Variants in PPARA observed in about 807,000 individuals in gnomAD.
PPARA encodes the protein peroxisome proliferator-activated receptor alpha.
PPARA carries 22 observed loss-of-function variants against 42.2 expected under a neutral mutation model. The observed-to-expected ratio is 0.52, with a 90% CI of 0.37 to 0.74. The LOEUF (loss-of-function observed/expected upper bound fraction) is 0.74, where lower values mean the gene tolerates loss of function less well. Among genes scored for constraint, PPARA ranks in the 30% least tolerant of loss-of-function variants. The pLI, the probability that PPARA is intolerant of heterozygous loss-of-function variation, is 0.00. For missense variants in PPARA, 465 were observed against 608.2 expected (o/e 0.76, Z 2.48); for synonymous variants, 242 against 239.3 (o/e 1.01, Z -0.10).
rs1384317970 is a variant in PPARA at position 46,171,132 on chromosome 22, G to C, written c.-126-5621G>C. Among the ~76,000 whole-genome samples, 1 of 151,898 alleles carries C rather than the reference G, an allele frequency of 6.6e-6. No homozygotes were observed. Among genetic ancestry groups the C allele is most frequent in the Admixed American group, 6.6e-5 (1 of 15,262 alleles). On this transcript the variant is annotated intron_variant, in intron 2 of 8. Coordinates refer to ENST00000407236, the MANE Select transcript of PPARA (RefSeq NM_005036.6). This position sits in a 1 kb window ranked among gnomAD's most constrained non-coding sequence, Gnocchi z 5.0. ...GCCAAGACTGCGCCACTGCACTCCA[G>C]CCTGGGCAACAGAGCAAGACTCTGT...
At chr22:46,157,231 G>T (rs971573536) in intron 2 of PPARA, among the ~76,000 whole-genome samples, 2 of 152,202 alleles carry the variant, frequency 1.3e-5, no homozygotes, top group Non-Finnish European at 2.9e-5. Context: ...ATAAGTACCT[G>T]ATTAATAGAA....
rs1936236014 is a variant in PPARA, at chr22:46,236,992, C to G, written c.*1612C>G. Reference sequence around the variant, plus strand: ...ATATGGACCTGGAAACACTTTCTCTCTCTGTCCACCTGGTAGATAAATTGT... The same window carrying G: ...ATATGGACCTGGAAACACTTTCTCTGTCTGTCCACCTGGTAGATAAATTGT... On this transcript the variant is annotated 3_prime_UTR_variant, in exon 9 of 9. Transcript: ENST00000407236. The surrounding 1 kb of genome is among the most constrained non-coding windows in gnomAD (Gnocchi z 5.2). 6.6e-6 allele frequency: 1 copy of G among 152,222 alleles called. No homozygotes were observed. The highest frequency in any genetic ancestry group is 1.5e-5 in the Non-Finnish European group (1 of 68,046). 9.4% of individuals were successfully genotyped at this position (152,222 alleles called of 1,614,324 possible). A position where few individuals can be genotyped will look rare whatever the true frequency, so the allele number is the denominator to read the frequency against.
In PPARA at chr22:46,192,146, G is replaced by C. The variant is rs1931651005; in HGVS notation, c.-42-6196G>C. On this transcript the variant is annotated intron_variant, in intron 3 of 8. Transcript: ENST00000407236. This position sits in a 1 kb window ranked among gnomAD's most constrained non-coding sequence, Gnocchi z 4.3. The stretch of plus-strand genomic sequence containing the variant: ...GCTAGAAGTATGGATGCAAAGATTA[G>C]GTGAATATGTTCCCTAGCCTCACAA... Among the ~76,000 whole-genome samples, 2 of 152,218 alleles carry C rather than the reference G, an allele frequency of 1.3e-5. No homozygotes were observed. Among genetic ancestry groups the C allele is most frequent in the African/African-American group, 4.8e-5 (2 of 41,460 alleles).
chr22:46,196,504 G>A lies in PPARA; in HGVS notation c.-42-1838G>A, dbSNP rs1347621955. 6.6e-6 allele frequency among the ~76,000 whole-genome samples: 1 copy of A among 152,224 alleles called. No individual in the cohort carries two copies. The highest frequency in any genetic ancestry group is 1.5e-5 in the Non-Finnish European group (1 of 68,038). Reference sequence around the variant, plus strand: ...TGTGCCAACATGTTTCAGTCCTGGAGCCTTTGCACTTGGTGTTCTCTTCGC... The same window carrying A: ...TGTGCCAACATGTTTCAGTCCTGGAACCTTTGCACTTGGTGTTCTCTTCGC... On this transcript the variant is annotated intron_variant, in intron 3 of 8. Transcript: ENST00000407236. The surrounding 1 kb of genome is among the most constrained non-coding windows in gnomAD (Gnocchi z 5.6).
In PPARA at chr22:46,184,947, T is replaced by C. The variant is rs980716522; in HGVS notation, c.-43+8111T>C. ...TAGGGTCTTCTCTTTGTCTCCAGCA[T>C]GGTCTGGAATTTCCCAGTGAGTGAC... On this transcript the variant is annotated intron_variant, in intron 3 of 8. Transcript: ENST00000407236. This position sits in a 1 kb window ranked among gnomAD's most constrained non-coding sequence, Gnocchi z 4.4. Among the ~76,000 whole-genome samples, 31 of 152,232 alleles carry C rather than the reference T, an allele frequency of 2.0e-4. No individual in the cohort carries two copies. The highest frequency in any genetic ancestry group is 3.4e-4 in the Non-Finnish European group (23 of 68,046).
At position 46,200,079 on chromosome 22, in the gene PPARA, C is replaced by T. The variant is rs1480440349; in HGVS notation, c.208+1488C>T. Among the ~76,000 whole-genome samples, 1 of 152,192 alleles carries T rather than the reference C, an allele frequency of 6.6e-6. No homozygotes were observed. Among genetic ancestry groups the T allele is most frequent in the Admixed American group, 6.5e-5 (1 of 15,280 alleles). The stretch of plus-strand genomic sequence containing the variant: ...TACATCACTGGTGGAAACAGACATA[C>T]ACCTATTGCAAAGGGCATCTCAGCT... On this transcript the variant is annotated intron_variant, in intron 4 of 8. Coordinates refer to ENST00000407236, the MANE Select transcript of PPARA (RefSeq NM_005036.6). The surrounding 1 kb of genome is among the most constrained non-coding windows in gnomAD (Gnocchi z 4.8).
Position 46,221,131 on chromosome 22 carries a change from G to A in PPARA, c.711+1117G>A, listed in dbSNP as rs971158076. 3.3e-5 allele frequency among the ~76,000 whole-genome samples: 5 copies of A among 152,096 alleles called. No homozygotes were observed. The highest frequency in any genetic ancestry group is 1.2e-4 in the African/African-American group (5 of 41,392). ...TTTGACTCATAGCAGAAGGTGAAGT[G>A]GGAGTAGGCGTCTTGCATGGCAGGA... is the stretch of plus-strand genomic sequence containing the variant. On this transcript the variant is annotated intron_variant, in intron 7 of 8. Coordinates refer to ENST00000407236, the MANE Select transcript of PPARA (RefSeq NM_005036.6). This position sits in a 1 kb window ranked among gnomAD's most constrained non-coding sequence, Gnocchi z 5.9.
At chr22:46,205,539 TATA>T (rs1933174437) in intron 4 of PPARA, among the ~76,000 whole-genome samples, 1 of 38,054 alleles carries the variant, frequency 2.6e-5, no homozygotes, top group Non-Finnish European at 5.1e-5. Context: ...TATATATATA[TATA>T]TATATATATA....
rs1308835069 is a variant in PPARA at position 46,203,270 on chromosome 22, T to C, written c.208+4679T>C. On this transcript the variant is annotated intron_variant, in intron 4 of 8. Coordinates refer to ENST00000407236, the MANE Select transcript of PPARA (RefSeq NM_005036.6). The surrounding 1 kb of genome is among the most constrained non-coding windows in gnomAD (Gnocchi z 5.8). ...GTACCTAATCTGATCTTTTGGGTAA[T>C]ATTCCTAGTTATGTAGACTGGTCTC... Among the ~76,000 whole-genome samples, 1 of 152,240 alleles carries C rather than the reference T, an allele frequency of 6.6e-6. No individual in the cohort carries two copies. The highest frequency in any genetic ancestry group is 1.5e-5 in the Non-Finnish European group (1 of 68,040).
chr22:46,197,313 G>A (rs969571534), intron 3 of PPARA, among the ~76,000 whole-genome samples: 1 of 151,994 alleles, frequency 6.6e-6, no homozygotes, highest in Non-Finnish European at 1.5e-5. Context: ...GCCTCCCAAA[G>A]TGCTGGGATT....
Position 46,240,656 on chromosome 22 carries a change from G to A in PPARA, c.*5276G>A, listed in dbSNP as rs56333425. The A allele has an allele frequency of 3.9e-4, 63 of 162,974 alleles. No homozygotes were observed. The highest frequency in any genetic ancestry group is 7.2e-4 in the Non-Finnish European group (54 of 75,500). 10.1% of individuals were successfully genotyped at this position (162,974 alleles called of 1,614,324 possible). On this transcript the variant is annotated 3_prime_UTR_variant, in exon 9 of 9. Coordinates refer to ENST00000407236, the MANE Select transcript of PPARA (RefSeq NM_005036.6). The surrounding 1 kb of genome is among the most constrained non-coding windows in gnomAD (Gnocchi z 6.0). ...GCTCATGATTGTTAAAAATGTCCAC[G>A]GGAACCTCTCGTCCACAGGAGGTTT...
chr22:46,207,671 ATTATTATTTTTT>A (rs1697522743), intron 4 of PPARA, among the ~76,000 whole-genome samples: 2 of 74,434 alleles, frequency 2.7e-5, no homozygotes, highest in East Asian at 3.4e-4. Flanking sequence ...TATTATTATT[ATTATTATTTTTT>A]TTTTTTTTTT....
At position 46,231,766 on chromosome 22, in the gene PPARA, AC is replaced by A; in HGVS notation, c.712-25del. 1 of 1,606,858 alleles carries A rather than the reference AC, an allele frequency of 6.2e-7. No individual in the cohort carries two copies. Among genetic ancestry groups the A allele is most frequent in the African/African-American group, 1.3e-5 (1 of 74,912 alleles). On this transcript the variant is annotated intron_variant, in intron 7 of 8. Transcript: ENST00000407236. The surrounding 1 kb of genome is among the most constrained non-coding windows in gnomAD (Gnocchi z 7.7). ...AGCATAGCGCATCCCACATCACCTG[AC>A]TTACCTTGGTGTCCTCCTTTGTAGC...
rs1936402611 is a variant in PPARA, at chr22:46,242,630, TTAA to T, written c.*7252_*7254del. The T allele has an allele frequency of 6.6e-6, 1 of 152,560 alleles. No homozygotes were observed. The highest frequency in any genetic ancestry group is 1.5e-5 in the Non-Finnish European group (1 of 68,028). 9.5% of individuals were successfully genotyped at this position (152,560 alleles called of 1,614,324 possible). On this transcript the variant is annotated 3_prime_UTR_variant, in exon 9 of 9. Coordinates refer to ENST00000407236, the MANE Select transcript of PPARA (RefSeq NM_005036.6). The surrounding 1 kb of genome is among the most constrained non-coding windows in gnomAD (Gnocchi z 6.1). ...CATTTGGATTCTTTTGAAATCAGTG[TTAA>T]TTGACTCATATTCTTAAAAGCCTGG... is the stretch of plus-strand genomic sequence containing the variant.
At chr22:46,228,809 T>C (rs1935655900) in intron 7 of PPARA, among the ~76,000 whole-genome samples, 1 of 152,132 alleles carries the variant, frequency 6.6e-6, no homozygotes, top group Admixed American at 6.6e-5. Context: ...AACTCATTTT[T>C]TAAAAAAATT....
chr22:46,179,204 A>G (rs1447923082), intron 3 of PPARA, among the ~76,000 whole-genome samples: 1 of 152,232 alleles, frequency 6.6e-6, no homozygotes, highest in Non-Finnish European at 1.5e-5. Context: ...TTGGAAACTA[A>G]GTTTCCAGCA....
chr22:46,235,427 A>C lies in PPARA; in HGVS notation c.*47A>C. ...CTTTTCCAGGAGTTCTGAAGCTGAC[A>C]GCACTACAAAGGAGACGGGGGAGCA... On this transcript the variant is annotated 3_prime_UTR_variant, in exon 9 of 9. Transcript: ENST00000407236. The surrounding 1 kb of genome is among the most constrained non-coding windows in gnomAD (Gnocchi z 7.0). 6.2e-7 allele frequency: 1 copy of C among 1,605,516 alleles called. No homozygotes were observed. Among genetic ancestry groups the C allele is most frequent in the Non-Finnish European group, 8.5e-7 (1 of 1,176,838 alleles).
In PPARA at chr22:46,183,706, A is replaced by G. The variant is rs972377993; in HGVS notation, c.-43+6870A>G. ...GCAGTGAGCTGTAATTGCACCATGC[A>G]CTCCAGCCTGGGTGAAAGAAGGAAA... On this transcript the variant is annotated intron_variant, in intron 3 of 8. Coordinates refer to ENST00000407236, the MANE Select transcript of PPARA (RefSeq NM_005036.6). The surrounding 1 kb of genome is among the most constrained non-coding windows in gnomAD (Gnocchi z 5.5). 3.3e-5 allele frequency among the ~76,000 whole-genome samples: 5 copies of G among 152,164 alleles called. No homozygotes were observed. The highest frequency in any genetic ancestry group is 9.7e-5 in the African/African-American group (4 of 41,434).
intron 7 of PPARA, 150 bp downstream of exon 7, chr22:46,220,164 A>G: frequency 1.1e-6 from 1 of 938,120 alleles, no homozygotes; most frequent in Non-Finnish European, 1.7e-6. Context: ...GTTCATTCTG[A>G]GACTCTGAGC....
Sources: gnomAD v4.1 joint callset for allele counts (sites outside exome capture counted in the v4.1 genomes callset) on GRCh38, gnomAD v4.1.1 for gene constraint, Gnocchi (gnomAD v3.1) non-coding constraint, MANE v1.5 for transcripts, NCBI Gene and HGNC (gene_info 2026-07-23, HGNC 2026-07-21) for gene names.